The following CTNNA3 variants were observed in gnomAD, a reference collection of about 807,000 sequenced individuals.
CTNNA3 encodes the protein catenin alpha 3.
Under a neutral mutation model 95.7 loss-of-function variants are expected in CTNNA3, and 76 were observed. The observed-to-expected ratio is 0.79, with a 90% CI of 0.66 to 0.96. The LOEUF (loss-of-function observed/expected upper bound fraction) is 0.96, where lower values mean the gene tolerates loss of function less well. Among genes scored for constraint, CTNNA3 ranks in the 40% least tolerant of loss-of-function variants. The probability of loss-of-function intolerance (pLI) is 0.00; values close to 1 mark genes in which losing one functional copy is unlikely to be tolerated. For missense variants in CTNNA3, 1,191 were observed against 1,089.8 expected, an observed-to-expected ratio of 1.09 and a Z score of -1.31; for synonymous variants, 431 against 374.4, an observed-to-expected ratio of 1.15 and a Z score of -1.74.
intron 5 of CTNNA3, among the ~76,000 whole-genome samples, chr10:67,325,533 T>C (rs755936547): frequency 1.3e-5 from 2 of 152,218 alleles, no homozygotes; most frequent in Admixed American, 6.5e-5. Context: ...CATGAAATTA[T>C]GTGGCTTTGA....
intron 11 of CTNNA3, among the ~76,000 whole-genome samples, chr10:66,399,257 T>C (rs1203962907): frequency 1.3e-5 from 2 of 151,864 alleles, no homozygotes; most frequent in East Asian, 3.9e-4. Flanking sequence ...CTCAATGCTG[T>C]GTATCCATGG....
rs2077971867 is a variant in CTNNA3, at chr10:65,966,619, A to G, written c.2393T>C (p.Met798Thr). 3 of 1,613,588 alleles carry G rather than the reference A, an allele frequency of 1.9e-6. No individual in the cohort carries two copies. The highest frequency in any genetic ancestry group is 2.5e-6 in the Non-Finnish European group (3 of 1,179,688). Residue 798 changes from methionine to threonine, a missense_variant, in exon 17 of 18, where the codon ATG (methionine) becomes ACG (threonine). Physicochemically the swap from Met to Thr is moderately conservative, Grantham distance 81. Coordinates refer to ENST00000433211, the MANE Select transcript of CTNNA3 (RefSeq NM_013266.4). ...EIQNLGGELI[M>T]SALDSVTSLI... ...GTGCTAGGCAGTACTCACAGCTGAC[A>G]TGATGAGCTCTCCTCCCAGGTTCTG...
chr10:65,940,962 A>C (rs1357097548), intron 17 of CTNNA3, among the ~76,000 whole-genome samples: 1 of 152,226 alleles, frequency 6.6e-6, no homozygotes, highest in Non-Finnish European at 1.5e-5. Context: ...AAAGTATTAT[A>C]TCCATTATCA....
chr10:66,222,466 G>A (rs1362788372), intron 13 of CTNNA3, among the ~76,000 whole-genome samples: 1 of 151,604 alleles, frequency 6.6e-6, no homozygotes, highest in African/African-American at 2.4e-5. Flanking sequence ...TCACTCATGT[G>A]TTTATGCATT....
chr10:67,750,640 G>T, intron 1 of CTNNA3: 2 of 1,548,482 alleles, frequency 1.3e-6, no homozygotes, highest in Non-Finnish European at 1.8e-6. Context: ...CAAGTCTGGG[G>T]ATGATTTTTT....
chr10:66,281,256 C>A (rs2091486728), intron 12 of CTNNA3, among the ~76,000 whole-genome samples: 1 of 151,806 alleles, frequency 6.6e-6, no homozygotes, highest in Non-Finnish European at 1.5e-5. Flanking sequence ...TATCAGTAAG[C>A]CAATCCATGG....
At chr10:66,088,485 TTGTGTGTGTGTGTGTGTG>T (rs3074377) in intron 14 of CTNNA3, among the ~76,000 whole-genome samples, 18 of 139,564 alleles carry the variant, frequency 1.3e-4, no homozygotes, top group Admixed American at 2.2e-4. Context: ...GGTAGGTGTT[TTGTGTGTGTGTGTGTGTG>T]TGTGTGTGTG....
chr10:66,638,478 G>A (rs1845410191), intron 9 of CTNNA3, among the ~76,000 whole-genome samples: 1 of 152,054 alleles, frequency 6.6e-6, no homozygotes, highest in African/African-American at 2.4e-5. Flanking sequence ...TCTGGGCGGG[G>A]GCAGGCAATT....
intron 9 of CTNNA3, among the ~76,000 whole-genome samples, chr10:66,641,837 G>T (rs4143859): frequency 0.67 from 101,179 of 151,838 alleles, 34,675 homozygotes; most frequent in East Asian, 0.95. Flanking sequence ...TGCAAAATAT[G>T]TCTTATAGCC....
intron 5 of CTNNA3, among the ~76,000 whole-genome samples, chr10:67,401,251 C>A (rs1844909311): frequency 6.6e-6 from 1 of 152,126 alleles, no homozygotes; most frequent in South Asian, 2.1e-4. Flanking sequence ...AATTTCTGCT[C>A]TTTAAAAACC....
intron 7 of CTNNA3, among the ~76,000 whole-genome samples, chr10:66,914,128 T>TTC (rs1846357985): frequency 1.2e-5 from 1 of 80,928 alleles, no homozygotes; most frequent in East Asian, 4.3e-4. Flanking sequence ...GCAGGGTGCC[T>TTC]TCTTTTTTTT....
chr10:67,539,664 C>T lies in CTNNA3; in HGVS notation c.298G>A (p.Ala100Thr). The T allele has an allele frequency of 6.2e-7, 1 of 1,613,142 alleles. No homozygotes were observed. The highest frequency in any genetic ancestry group is 1.1e-5 in the South Asian group (1 of 91,046). The change falls in exon 4 of 18, where the codon GCT becomes ACT. Residue 100 changes from alanine (A) to threonine (T), a missense_variant. Ala to Thr is a moderately conservative substitution (Grantham distance 58, BLOSUM62 0). Coordinates refer to ENST00000433211, the MANE Select transcript of CTNNA3 (RefSeq NM_013266.4). ...AATCTCTCAGCTGATACTTTCAGAG[C>T]TTCACCTGAAAAATACAACCCCATA... ...SLEEVRKESE[A>T]LKVSAERFTD...
chr10:67,480,373 T>G (rs1027529545), intron 5 of CTNNA3, among the ~76,000 whole-genome samples: 12 of 152,208 alleles, frequency 7.9e-5, no homozygotes, highest in African/African-American at 2.9e-4. Context: ...GCCTCAAGCC[T>G]GGCCATAAAC....
intron 13 of CTNNA3, among the ~76,000 whole-genome samples, chr10:66,186,593 C>A (rs1449854866): frequency 1.3e-5 from 2 of 152,026 alleles, no homozygotes; most frequent in Non-Finnish European, 2.9e-5. Context: ...TTAAAGAATT[C>A]TCACTCTGAA....
At chr10:67,756,113 G>A (rs1841431633) in intron 1 of CTNNA3, among the ~76,000 whole-genome samples, 1 of 152,054 alleles carries the variant, frequency 6.6e-6, no homozygotes, top group Admixed American at 6.6e-5. Flanking sequence ...TAAAACAGTG[G>A]ATCTTATGAA....
At position 66,436,667 on chromosome 10, in the gene CTNNA3, A is replaced by G. The variant is rs180807398; in HGVS notation, c.1532-57315T>C. ...CCAATTTGTCAGTCTGTGTCTTTTAATTGGGGCATTTAGTCAATTTACACT... is the reference window on the plus strand; with the variant it reads ...CCAATTTGTCAGTCTGTGTCTTTTAGTTGGGGCATTTAGTCAATTTACACT... On this transcript the variant is annotated intron_variant, in intron 11 of 17. Coordinates refer to ENST00000433211, the MANE Select transcript of CTNNA3 (RefSeq NM_013266.4). 1.1e-4 allele frequency among the ~76,000 whole-genome samples: 17 copies of G among 152,034 alleles called. 1 individual carries two copies. Among genetic ancestry groups the G allele is most frequent in the Non-Finnish European group, 2.9e-5 (2 of 67,964 alleles).
At chr10:66,259,559 A>G (rs997040220) in intron 13 of CTNNA3, among the ~76,000 whole-genome samples, 2 of 152,144 alleles carry the variant, frequency 1.3e-5, no homozygotes, top group African/African-American at 4.8e-5. Context: ...TCAAAAGTAC[A>G]TAACTTCACC....
At chr10:66,537,774 A>G (rs1841709997) in intron 10 of CTNNA3, among the ~76,000 whole-genome samples, 1 of 151,856 alleles carries the variant, frequency 6.6e-6, no homozygotes, top group Admixed American at 6.6e-5. Flanking sequence ...CCTGGGCAAT[A>G]TAGTGAGACC....
rs192566291 is a variant in CTNNA3 at position 66,379,707 on chromosome 10, C to T, written c.1532-355G>A. On this transcript the variant is annotated intron_variant, in intron 11 of 17. Coordinates refer to ENST00000433211, the MANE Select transcript of CTNNA3 (RefSeq NM_013266.4). Reference sequence around the variant, plus strand: ...AATATGTGATGATGAAATTCTACATCGTGAATGAAAGCAATATTATACAGA... The same window carrying T: ...AATATGTGATGATGAAATTCTACATTGTGAATGAAAGCAATATTATACAGA... 1.5e-3 allele frequency among the ~76,000 whole-genome samples: 235 copies of T among 152,172 alleles called. 1 individual carries two copies. Among genetic ancestry groups the T allele is most frequent in the African/African-American group, 5.4e-3 (224 of 41,536 alleles).
Sources: allele counts gnomAD v4.1 joint callset (sites outside exome capture counted in the v4.1 genomes callset), GRCh38; gene constraint gnomAD v4.1.1; transcripts MANE v1.5; gene names NCBI Gene and HGNC (gene_info 2026-07-23, HGNC 2026-07-21).